The following MACROD2 variants were observed in gnomAD, a reference collection of about 807,000 sequenced individuals.
The protein encoded by MACROD2 is ADP-ribose glycohydrolase MACROD2.
MACROD2 carries 36 observed loss-of-function variants against 70.4 expected under a neutral mutation model. The observed-to-expected ratio is 0.51, with a 90% CI of 0.39 to 0.68. MACROD2 has a LOEUF of 0.68. MACROD2 is among the 30% of genes least tolerant of loss of function. The pLI is 0.00. For missense variants in MACROD2, 496 were observed against 538.4 expected (o/e 0.92, Z 0.78); for synonymous variants, 172 against 178.8 (o/e 0.96, Z 0.30).
In MACROD2 at chr20:15,598,421, A is replaced by G. The variant is rs1205391433; in HGVS notation, c.645+98574A>G. On this transcript the variant is annotated intron_variant, in intron 8 of 17. Transcript: ENST00000684519. Reference sequence around the variant, plus strand: ...AAATTAAGTTGCTTTGTTCCATCCCATGAGTTGTGTCTGTTGCATGTAGGT... The same window carrying G: ...AAATTAAGTTGCTTTGTTCCATCCCGTGAGTTGTGTCTGTTGCATGTAGGT... Among the ~76,000 whole-genome samples, 7 of 152,222 alleles carry G rather than the reference A, an allele frequency of 4.6e-5. No individual in the cohort carries two copies. The East Asian group carries it at 9.7e-4, about 21-fold the overall frequency.
At chr20:15,406,743 A>G (rs1246034420) in intron 6 of MACROD2, among the ~76,000 whole-genome samples, 1 of 152,212 alleles carries the variant, frequency 6.6e-6, no homozygotes, top group Non-Finnish European at 1.5e-5. Context: ...TGTCCAGAAT[A>G]AACAAAGCTT....
At chr20:14,656,600 T>C (rs974180953) in intron 4 of MACROD2, among the ~76,000 whole-genome samples, 1 of 152,218 alleles carries the variant, frequency 6.6e-6, no homozygotes, top group Non-Finnish European at 1.5e-5. Flanking sequence ...GAAAACACTA[T>C]TCATATTTCA....
chr20:15,510,907 G>T (rs2047490686), intron 8 of MACROD2, among the ~76,000 whole-genome samples: 1 of 152,224 alleles, frequency 6.6e-6, no homozygotes, highest in African/African-American at 2.4e-5. Context: ...CAACCTTTTA[G>T]TGAGGAGACT....
chr20:14,462,064 G>A (rs1293984776), intron 3 of MACROD2, among the ~76,000 whole-genome samples: 1 of 151,986 alleles, frequency 6.6e-6, no homozygotes, highest in African/African-American at 2.4e-5. Flanking sequence ...TGGGATGGCT[G>A]GGTCAAATGC....
chr20:15,208,734 G>A (rs982890028), intron 5 of MACROD2, among the ~76,000 whole-genome samples: 1 of 152,154 alleles, frequency 6.6e-6, no homozygotes, highest in Admixed American at 6.5e-5. Flanking sequence ...CACCTTGGCT[G>A]GGAGGGGAAA....
chr20:14,183,560 T>C (rs1231077414), intron 3 of MACROD2, among the ~76,000 whole-genome samples: 6 of 152,290 alleles, frequency 3.9e-5, no homozygotes, highest in African/African-American at 1.4e-4. Context: ...CTGGGATTGC[T>C]GGGTTGAATG....
At chr20:15,013,689 C>T (rs1333389077) in intron 5 of MACROD2, among the ~76,000 whole-genome samples, 2 of 152,172 alleles carry the variant, frequency 1.3e-5, no homozygotes, top group African/African-American at 2.4e-5. Context: ...TGCATTGCAG[C>T]TCCCTCTGCC....
intron 5 of MACROD2, chr20:14,893,185 A>T (rs1300004948): frequency 2.0e-5 from 3 of 152,044 alleles, no homozygotes; most frequent in Non-Finnish European, 4.4e-5. Context: ...CATATTGTTT[A>T]TCCATTTATC....
chr20:15,421,533 T>C (rs453612), intron 6 of MACROD2, among the ~76,000 whole-genome samples: 101,917 of 152,014 alleles, frequency 0.67, 35,067 homozygotes, highest in African/African-American at 0.8. Flanking sequence ...ACATATGAGG[T>C]AGATCAATAT....
chr20:14,385,654 A>G (rs374082903), intron 3 of MACROD2, among the ~76,000 whole-genome samples: 1 of 152,290 alleles, frequency 6.6e-6, no homozygotes. Context: ...GCAGAAGCCA[A>G]TTTTTAAGTG....
At chr20:14,922,857 G>A (rs533620019) in intron 5 of MACROD2, among the ~76,000 whole-genome samples, 8 of 152,092 alleles carry the variant, frequency 5.3e-5, no homozygotes, top group African/African-American at 1.9e-4. Flanking sequence ...AAAGCCTAGG[G>A]GCATTTTGAG....
intron 3 of MACROD2, among the ~76,000 whole-genome samples, chr20:14,410,660 C>T (rs1201923788): frequency 6.6e-6 from 1 of 152,108 alleles, no homozygotes; most frequent in East Asian, 1.9e-4. Context: ...AGTAGCAAGG[C>T]CCTGTTGCCT....
chr20:15,247,461 A>G (rs1947019677), intron 6 of MACROD2, among the ~76,000 whole-genome samples: 1 of 152,244 alleles, frequency 6.6e-6, no homozygotes, highest in Non-Finnish European at 1.5e-5. Flanking sequence ...TAGAAGAGTT[A>G]TATAAATTAC....
intron 4 of MACROD2, among the ~76,000 whole-genome samples, chr20:14,503,980 T>C (rs2084942982): frequency 1.3e-5 from 2 of 152,250 alleles, no homozygotes; most frequent in Admixed American, 6.5e-5. Context: ...CTTAAGAATC[T>C]TCTAGCAGGC....
chr20:14,159,040 CA>C (rs1426415728), intron 3 of MACROD2, among the ~76,000 whole-genome samples: 1 of 152,066 alleles, frequency 6.6e-6, no homozygotes, highest in Non-Finnish European at 1.5e-5. Context: ...AGTTTGAGAC[CA>C]GCCTGACCAA....
chr20:15,329,678 G>A (rs1178147510), intron 6 of MACROD2, among the ~76,000 whole-genome samples: 1 of 152,018 alleles, frequency 6.6e-6, no homozygotes, highest in Non-Finnish European at 1.5e-5. Context: ...TTTCAGATGT[G>A]TGTTTAAATA....
chr20:14,078,299 T>C (rs2053942467), intron 2 of MACROD2, among the ~76,000 whole-genome samples: 1 of 152,232 alleles, frequency 6.6e-6, no homozygotes, highest in African/African-American at 2.4e-5. Flanking sequence ...CATCTCCTTT[T>C]AAGAGAACTT....
chr20:14,108,221 G>T (rs565888329), intron 3 of MACROD2, among the ~76,000 whole-genome samples: 3 of 151,714 alleles, frequency 2.0e-5, no homozygotes, highest in Non-Finnish European at 4.4e-5. Context: ...ATGTTTGCAC[G>T]CCTCACGGTA....
chr20:15,484,551 G>T (rs770670861), intron 7 of MACROD2, among the ~76,000 whole-genome samples: 1 of 152,172 alleles, frequency 6.6e-6, no homozygotes, highest in Non-Finnish European at 1.5e-5. Flanking sequence ...GGATCTGATA[G>T]AACCCCAATA....
Sources: allele counts gnomAD v4.1 joint callset (sites outside exome capture counted in the v4.1 genomes callset), GRCh38; gene constraint gnomAD v4.1.1; transcripts MANE v1.5; gene names NCBI Gene and HGNC (gene_info 2026-07-23, HGNC 2026-07-21).